The following RPAIN variants were observed in gnomAD, a reference collection of about 807,000 sequenced individuals.
RPAIN encodes RPA interacting protein, also known as RPA-interacting protein.
RPAIN carries 29 observed loss-of-function variants against 30.5 expected under a neutral mutation model. That is an observed-to-expected ratio of 0.95 (90% CI 0.71 to 1.30). The LOEUF (loss-of-function observed/expected upper bound fraction) is 1.30. Among genes scored for constraint, RPAIN ranks in the 50% most tolerant of loss-of-function variants. RPAIN has a pLI of 0.00. For missense variants in RPAIN, 247 were observed against 264.7 expected (o/e 0.93, Z 0.46); for synonymous variants, 101 against 93.5 (o/e 1.08, Z -0.46).
At chr17:5,421,273 C>A (rs780972158) in intron 1 of RPAIN, 23 bp from the exon 2 acceptor site, 2 of 1,571,042 alleles carry the variant, frequency 1.3e-6, no homozygotes, top group Non-Finnish European at 1.7e-6. Flanking sequence ...TTTTTCCCCC[C>A]CAATCTTGCT....
intron 6 of RPAIN, chr17:5,429,401 G>A (rs1243734270): frequency 5.1e-6 from 5 of 985,464 alleles, no homozygotes; most frequent in Non-Finnish European, 6.0e-6. Context: ...CTTAGCTGGA[G>A]CATTAGGTTC....
chr17:5,425,339 CTTTT>C (rs758229337), intron 3 of RPAIN: 24 of 424,580 alleles, frequency 5.7e-5, no homozygotes, highest in African/African-American at 3.1e-4. Flanking sequence ...TCAGTTCTCT[CTTTT>C]TTTTTTTTTT....
chr17:5,428,058 T>A lies in RPAIN; in HGVS notation c.490-13T>A, dbSNP rs1220856650. ...AAGTCACTGAGAGGAGGTTGAACTT[T>A]TTTATTTTGTAGTCTTCTGAGTTGA... On this transcript the variant is annotated splice_polypyrimidine_tract_variant and intron_variant, in intron 5 of 6. Transcript: ENST00000381209. 1.2e-6 allele frequency: 2 copies of A among 1,613,990 alleles called. No homozygotes were observed. The highest frequency in any genetic ancestry group is 1.7e-6 in the Non-Finnish European group (2 of 1,179,966).
In RPAIN at chr17:5,420,257, T is replaced by C; in HGVS notation, c.47T>C (p.Val16Ala). The C allele has an allele frequency of 6.2e-7, 1 of 1,613,674 alleles. No homozygotes were observed. Among genetic ancestry groups the C allele is most frequent in the Non-Finnish European group, 8.5e-7 (1 of 1,179,916 alleles). The change falls in exon 1 of 7, where the codon GTG (valine) becomes GCG (alanine). Residue 16 changes from valine (V) to alanine (A), a missense_variant. Coordinates refer to ENST00000381209, the MANE Select transcript of RPAIN (RefSeq NM_001033002.4). Reference sequence around the variant, plus strand: ...CCGCGCCGCTCCCTGTACAAACTGGTGGGCTCGCCGCCTTGGAAAGAGGCT... The same window carrying C: ...CCGCGCCGCTCCCTGTACAAACTGGCGGGCTCGCCGCCTTGGAAAGAGGCT... ...RSPRRSLYKL[V>A]GSPPWKEAFR...
chr17:5,428,247 G>T, intron 6 of RPAIN, 36 bp downstream of exon 6: 3 of 1,613,974 alleles, frequency 1.9e-6, no homozygotes, highest in Non-Finnish European at 2.5e-6. Context: ...GTGGTAAGAG[G>T]GACCTGTGGT....
chr17:5,427,862 G>A (rs1426594198), intron 5 of RPAIN: 12 of 589,486 alleles, frequency 2.0e-5, no homozygotes, highest in South Asian at 1.6e-4. Context: ...GACAGCAGGA[G>A]TAGAGGGCGT....
chr17:5,428,753 A>C (rs944084031), intron 6 of RPAIN: 2 of 1,011,716 alleles, frequency 2.0e-6, no homozygotes, highest in African/African-American at 3.4e-5. Context: ...TGTCCTTTCC[A>C]TATATGTGTA....
chr17:5,425,625 C>T (rs1349876847), intron 3 of RPAIN: 5 of 357,290 alleles, frequency 1.4e-5, no homozygotes, highest in South Asian at 2.3e-5. Flanking sequence ...TGTGAGTCAC[C>T]GTGCCCGGCC....
chr17:5,431,670 A>G (rs763760663), intron 6 of RPAIN: 7 of 455,556 alleles, frequency 1.5e-5, no homozygotes, highest in South Asian at 1.1e-4. Flanking sequence ...CGCTCAGGAC[A>G]GATGGCTGAG....
At chr17:5,423,991 ATT>A (rs35718658) in intron 3 of RPAIN, among the ~76,000 whole-genome samples, 53 of 134,542 alleles carry the variant, frequency 3.9e-4, no homozygotes, top group East Asian at 8.6e-4. Context: ...TTATTTATGT[ATT>A]TTTTTTTTTT....
intron 6 of RPAIN, chr17:5,431,502 AGGAGGGGGAAAGAC>A: frequency 4.8e-6 from 2 of 420,102 alleles, no homozygotes; most frequent in Admixed American, 2.8e-5. Context: ...AAAAAAAAAG[AGGAGGGGGAAAGAC>A]AAAATTGTAT....
chr17:5,420,908 A>G (rs1287014462), intron 1 of RPAIN, among the ~76,000 whole-genome samples: 1 of 152,216 alleles, frequency 6.6e-6, no homozygotes, highest in East Asian at 1.9e-4. Flanking sequence ...AAGCATTGCC[A>G]AATGTTCCTT....
chr17:5,431,843 C>T, intron 6 of RPAIN: 1 of 339,080 alleles, frequency 2.9e-6, no homozygotes, highest in Non-Finnish European at 5.7e-6. Context: ...AAACATATTA[C>T]CTGTGGAAGT....
At chr17:5,420,469 G>A (rs1344606135) in intron 1 of RPAIN, among the ~76,000 whole-genome samples, 178 bp downstream of exon 1, 2 of 152,076 alleles carry the variant, frequency 1.3e-5, no homozygotes, top group East Asian at 1.9e-4. Flanking sequence ...GTCCTAGAAA[G>A]CCTTGTTTTT....
At chr17:5,426,384 C>A in intron 5 of RPAIN, 85 bp downstream of exon 5, 2 of 1,156,284 alleles carry the variant, frequency 1.7e-6, no homozygotes, top group Non-Finnish European at 2.6e-6. Flanking sequence ...GACTTGGAGC[C>A]CATTGTGCAT....
intron 6 of RPAIN, 90 bp from the exon 7 acceptor site, chr17:5,432,452 G>A: frequency 8.2e-7 from 1 of 1,221,508 alleles, no homozygotes; most frequent in South Asian, 1.2e-5. Context: ...CTCATCTAAT[G>A]TGTAGAATTC....
intron 3 of RPAIN, among the ~76,000 whole-genome samples, chr17:5,424,482 G>T (rs943955629): frequency 3.3e-5 from 5 of 152,158 alleles, no homozygotes; most frequent in African/African-American, 1.2e-4. Flanking sequence ...CTATAAATTT[G>T]TTGTAAGGCT....
At chr17:5,426,446 G>A (rs982167358) in intron 5 of RPAIN, 147 bp downstream of exon 5, 2 of 739,294 alleles carry the variant, frequency 2.7e-6, no homozygotes, top group Non-Finnish European at 4.8e-6. Context: ...CTTCAAATCA[G>A]CCATGGTGAG....
rs914717937 is a variant in RPAIN, at chr17:5,431,544, C to A, written c.631-998C>A. 6.1e-5 allele frequency: 27 copies of A among 439,692 alleles called. No homozygotes were observed. In the East Asian group the frequency reaches 2.3e-3, roughly 38 times the overall value. 27.2% of individuals were successfully genotyped at this position (439,692 alleles called of 1,614,324 possible). On this transcript the variant is annotated intron_variant, in intron 6 of 6. Coordinates refer to ENST00000381209, the MANE Select transcript of RPAIN (RefSeq NM_001033002.4). ...AATTGTATTCTGTAGGTCTTGAGTTCAACATTTGGAAAGGTAGACATTTGG... is the reference window on the plus strand; with the variant it reads ...AATTGTATTCTGTAGGTCTTGAGTTAAACATTTGGAAAGGTAGACATTTGG...
Sources: gnomAD v4.1 joint callset for allele counts (sites outside exome capture counted in the v4.1 genomes callset) on GRCh38, gnomAD v4.1.1 for gene constraint, MANE v1.5 for transcripts, NCBI Gene and HGNC (gene_info 2026-07-23, HGNC 2026-07-21) for gene names.